The following NT5DC1 variants were observed in gnomAD, a reference collection of about 807,000 sequenced individuals.
NT5DC1 encodes the protein 5'-nucleotidase domain containing 1, also known as 5'-nucleotidase domain-containing protein 1.
In NT5DC1, 42 loss-of-function variants were observed where a neutral mutation model predicts 59.4. That is an observed-to-expected ratio of 0.71 (90% CI 0.55 to 0.92). NT5DC1 has a LOEUF of 0.92. Ranked by LOEUF, NT5DC1 falls within the 40% of genes least tolerant of loss-of-function variation. The pLI is 0.00. For synonymous variants in NT5DC1, 172 were observed against 188.1 expected (o/e 0.91, Z 0.70); for missense variants, 501 against 537.1 (o/e 0.93, Z 0.66).
intron 8 of NT5DC1, among the ~76,000 whole-genome samples, chr6:116,234,985 G>A (rs1003145866): frequency 5.9e-5 from 9 of 151,500 alleles, no homozygotes; most frequent in Non-Finnish European, 1.2e-4. Context: ...GAAACAGGGA[G>A]GGGAGGTAAT....
intron 2 of NT5DC1, among the ~76,000 whole-genome samples, chr6:116,107,214 A>C (rs1778783284): frequency 6.8e-6 from 1 of 148,058 alleles, no homozygotes; most frequent in Non-Finnish European, 1.5e-5. Context: ...CACATGAAAA[A>C]TACCTACATT....
intron 6 of NT5DC1, among the ~76,000 whole-genome samples, chr6:116,172,133 T>C (rs1324068122): frequency 6.6e-6 from 1 of 152,194 alleles, no homozygotes; most frequent in Admixed American, 6.5e-5. Context: ...TCCTAACCTG[T>C]TGTAAATTTG....
At chr6:116,223,449 C>T (rs1416878952) in intron 8 of NT5DC1, among the ~76,000 whole-genome samples, 1 of 152,140 alleles carries the variant, frequency 6.6e-6, no homozygotes, top group Non-Finnish European at 1.5e-5. Context: ...AGAACAAAAG[C>T]GCCTGTGGAA....
chr6:116,163,141 A>AAAAAAAAAAAAATATAT (rs761718922), intron 6 of NT5DC1, among the ~76,000 whole-genome samples: 5 of 88,400 alleles, frequency 5.7e-5, no homozygotes, highest in Admixed American at 3.8e-4. Flanking sequence ...AAAAAAAAAA[A>AAAAAAAAAAAAATATAT]ATATATATAT....
rs147376900 is a variant in NT5DC1 at position 116,144,466 on chromosome 6, A to G, written c.529+26521A>G. Among the ~76,000 whole-genome samples the G allele has an allele frequency of 7.8e-3, 1,185 of 151,536 alleles. 25 individuals are homozygous for G. Among genetic ancestry groups the G allele is most frequent in the African/African-American group, 0.027 (1,102 of 41,266 alleles). On this transcript the variant is annotated intron_variant, in intron 6 of 11. Coordinates refer to ENST00000319550, the MANE Select transcript of NT5DC1 (RefSeq NM_152729.3). ...CAGTGAGCTGATGTTGTGCCACTGC[A>G]CTCCAGCCTGATGACAGAGCGAGAC...
At position 116,247,048 on chromosome 6, in the gene NT5DC1, G is replaced by T. The variant is rs1363010594; in HGVS notation, c.*3024G>T. Reference sequence around the variant, plus strand: ...AGAGATTAAATACAATGCTTGCTCTGTGTTACACTGTTAGTAAGAGAGCAA... The same window carrying T: ...AGAGATTAAATACAATGCTTGCTCTTTGTTACACTGTTAGTAAGAGAGCAA... On this transcript the variant is annotated 3_prime_UTR_variant, in exon 12 of 12. Transcript: ENST00000319550. 2 of 152,154 alleles carry T rather than the reference G, an allele frequency of 1.3e-5. No homozygotes were observed. Among genetic ancestry groups the T allele is most frequent in the African/African-American group, 4.8e-5 (2 of 41,446 alleles). 9.4% of individuals were successfully genotyped at this position (152,154 alleles called of 1,614,324 possible). A position where few individuals can be genotyped will look rare whatever the true frequency, so the allele number is the denominator to read the frequency against.
intron 6 of NT5DC1, among the ~76,000 whole-genome samples, chr6:116,199,578 C>T (rs1455428620): frequency 6.6e-6 from 1 of 152,058 alleles, no homozygotes; most frequent in Non-Finnish European, 1.5e-5. Context: ...GAAGCCAGGG[C>T]TCCTTGGAGA....
At chr6:116,102,462 T>C (rs999556239) in intron 1 of NT5DC1, among the ~76,000 whole-genome samples, 2 of 152,214 alleles carry the variant, frequency 1.3e-5, no homozygotes, top group Non-Finnish European at 2.9e-5. Flanking sequence ...CTTTGATACA[T>C]GTTTTCCTTC....
At position 116,220,452 on chromosome 6, in the gene NT5DC1, G is replaced by A. The variant is rs116920543; in HGVS notation, c.530-602G>A. 4.2e-3 allele frequency among the ~76,000 whole-genome samples: 643 copies of A among 152,270 alleles called. 3 individuals are homozygous for A. Among genetic ancestry groups the A allele is most frequent in the Non-Finnish European group, 7.2e-3 (493 of 68,020 alleles). On this transcript the variant is annotated intron_variant, in intron 6 of 11. Coordinates refer to ENST00000319550, the MANE Select transcript of NT5DC1 (RefSeq NM_152729.3). ...GCTTCAGTGATGCGAGTCATTCATT[G>A]TTCCCTGTCAAATACAGTGCCTTTT...
intron 8 of NT5DC1, among the ~76,000 whole-genome samples, chr6:116,228,157 C>T (rs2114548996): frequency 6.6e-6 from 1 of 152,282 alleles, no homozygotes; most frequent in South Asian, 2.1e-4. Context: ...CTGTAAAGTG[C>T]TTAGCAATCT....
chr6:116,155,579 T>A (rs1342100806), intron 6 of NT5DC1, among the ~76,000 whole-genome samples: 1 of 152,124 alleles, frequency 6.6e-6, no homozygotes, highest in Non-Finnish European at 1.5e-5. Context: ...AAATCACATG[T>A]GTATTTACCT....
At chr6:116,113,985 A>G (rs1778922504) in intron 4 of NT5DC1, among the ~76,000 whole-genome samples, 2 of 152,156 alleles carry the variant, frequency 1.3e-5, no homozygotes, top group Non-Finnish European at 2.9e-5. Flanking sequence ...GGAGTCCTGG[A>G]GTGTCATACA....
chr6:116,126,528 A>G (rs1302804534), intron 6 of NT5DC1, among the ~76,000 whole-genome samples: 1 of 152,194 alleles, frequency 6.6e-6, no homozygotes, highest in Admixed American at 6.5e-5. Flanking sequence ...TGAAGGGGGT[A>G]CTGGATTTAG....
chr6:116,121,267 G>T (rs752052455), intron 6 of NT5DC1: 5 of 1,613,852 alleles, frequency 3.1e-6, no homozygotes, highest in African/African-American at 2.7e-5. Context: ...GAGCCCCAGG[G>T]AGACCTTTTG....
intron 6 of NT5DC1, among the ~76,000 whole-genome samples, chr6:116,151,781 C>CT (rs1463384467): frequency 2.6e-5 from 4 of 152,068 alleles, no homozygotes; most frequent in East Asian, 1.9e-4. Context: ...AGCAAATAAA[C>CT]TTTTTTTAAA....
intron 6 of NT5DC1, among the ~76,000 whole-genome samples, chr6:116,161,198 G>T (rs1244276149): frequency 1.6e-4 from 19 of 119,088 alleles, no homozygotes; most frequent in African/African-American, 4.4e-4. Context: ...TTGTGGGGTG[G>T]GGGGAGGGGG....
chr6:116,179,333 A>G (rs1469527621), intron 6 of NT5DC1, among the ~76,000 whole-genome samples: 2 of 152,176 alleles, frequency 1.3e-5, no homozygotes, highest in Non-Finnish European at 2.9e-5. Flanking sequence ...TATACTGATC[A>G]GATGTTAATA....
Position 116,120,485 on chromosome 6 carries a change from T to C in NT5DC1, c.529+2540T>C, listed in dbSNP as rs941476550. The C allele has an allele frequency of 1.2e-6, 2 of 1,614,098 alleles. No homozygotes were observed. The highest frequency in any genetic ancestry group is 1.7e-6 in the Non-Finnish European group (2 of 1,180,032). On this transcript the variant is annotated intron_variant, in intron 6 of 11. Transcript: ENST00000319550. ...AGACACAGGCATTCCTGTTACCCCC[T>C]GGTTGGCACTAACAAGAGGGGTCCC...
rs1273640039 is a variant in NT5DC1 at position 116,249,368 on chromosome 6, T to C, written c.*5344T>C. 2.0e-5 allele frequency: 3 copies of C among 152,246 alleles called. No individual in the cohort carries two copies. The highest frequency in any genetic ancestry group is 2.9e-5 in the Non-Finnish European group (2 of 68,028). 9.4% of individuals were successfully genotyped at this position (152,246 alleles called of 1,614,324 possible). A position where few individuals can be genotyped will look rare whatever the true frequency, so the allele number is the denominator to read the frequency against. ...ACAAATACTTAGCAATTCATTTTCA[T>C]AGATTTTGTAGCATCCACAAAGCCC... is the stretch of plus-strand genomic sequence containing the variant. On this transcript the variant is annotated 3_prime_UTR_variant, in exon 12 of 12. Coordinates refer to ENST00000319550, the MANE Select transcript of NT5DC1 (RefSeq NM_152729.3).
Sources: allele counts gnomAD v4.1 joint callset (sites outside exome capture counted in the v4.1 genomes callset), GRCh38; gene constraint gnomAD v4.1.1; transcripts MANE v1.5; gene names NCBI Gene and HGNC (gene_info 2026-07-23, HGNC 2026-07-21).